HIVEP3: variants seen among roughly 807,000 people sequenced by gnomAD.
HIVEP3 encodes HIVEP zinc finger 3, also known as transcription factor HIVEP3.
A neutral mutation model predicts 152.8 loss-of-function variants in HIVEP3; 49 were observed. The ratio of observed to expected loss-of-function variants is 0.32; its 90% CI spans 0.26 to 0.41. HIVEP3 has a LOEUF of 0.41. HIVEP3 is among the 10% of genes least tolerant of loss of function. The pLI, the probability that HIVEP3 is intolerant of heterozygous loss-of-function variation, is 1.00. For synonymous variants in HIVEP3, 1,269 were observed against 1,289.0 expected (o/e 0.98, Z 0.33); for missense variants, 2,790 against 3,103.3 (o/e 0.90, Z 2.40).
chr1:41,546,560 G>A (rs1305399615), intron 5 of HIVEP3, among the ~76,000 whole-genome samples: 1 of 152,236 alleles, frequency 6.6e-6, no homozygotes, highest in African/African-American at 2.4e-5. Context: ...GTGAGGCCTT[G>A]TAGAGTCAGC....
intron 1 of HIVEP3, among the ~76,000 whole-genome samples, chr1:41,835,263 C>G (rs1016074045): frequency 6.6e-5 from 10 of 152,132 alleles, no homozygotes; most frequent in Non-Finnish European, 1.2e-4. Context: ...TTTTTCACAG[C>G]TCTGGAGGCT....
chr1:41,913,892 T>A (rs1644832919), intron 1 of HIVEP3, among the ~76,000 whole-genome samples: 1 of 152,226 alleles, frequency 6.6e-6, no homozygotes, highest in Non-Finnish European at 1.5e-5. Context: ...ACATAACACA[T>A]GTTTAAAAAG....
chr1:41,913,381 TG>T (rs1395414590), intron 1 of HIVEP3, among the ~76,000 whole-genome samples: 8 of 152,200 alleles, frequency 5.3e-5, no homozygotes, highest in African/African-American at 1.9e-4. Flanking sequence ...AATCAATTCA[TG>T]TTTATCAGGG....
At chr1:41,868,331 A>C (rs1644018858) in intron 1 of HIVEP3, among the ~76,000 whole-genome samples, 2 of 152,102 alleles carry the variant, frequency 1.3e-5, no homozygotes, top group Non-Finnish European at 2.9e-5. Flanking sequence ...TATTTGGAGA[A>C]TGCATGGGGA....
chr1:41,832,450 G>A (rs1319229200), intron 1 of HIVEP3, among the ~76,000 whole-genome samples: 1 of 152,188 alleles, frequency 6.6e-6, no homozygotes. Flanking sequence ...AGGATCACTT[G>A]AGCCTAGAAC....
chr1:41,989,631 G>C (rs532039627), intron 1 of HIVEP3, among the ~76,000 whole-genome samples: 2 of 152,198 alleles, frequency 1.3e-5, no homozygotes, highest in South Asian at 4.2e-4. Context: ...TACCTTATCT[G>C]TGTAGGCAAA....
chr1:41,844,491 G>A (rs932258315), intron 1 of HIVEP3, among the ~76,000 whole-genome samples: 1 of 152,186 alleles, frequency 6.6e-6, no homozygotes, highest in Non-Finnish European at 1.5e-5. Flanking sequence ...GTCATCCGAT[G>A]CCGCTTCTTA....
At chr1:41,788,061 C>T (rs1262268704) in intron 1 of HIVEP3, among the ~76,000 whole-genome samples, 1 of 152,182 alleles carries the variant, frequency 6.6e-6, no homozygotes, top group Non-Finnish European at 1.5e-5. Context: ...TGACCCGGTG[C>T]CACCCTCTGT....
At chr1:41,785,573 C>CTTATTTAG (rs1272742302) in intron 1 of HIVEP3, among the ~76,000 whole-genome samples, 45 of 152,160 alleles carry the variant, frequency 3.0e-4, no homozygotes, top group African/African-American at 8.9e-4. Flanking sequence ...ACTAAAATGT[C>CTTATTTAG]TGGCTTTGAA....
chr1:41,706,444 G>A (rs879366183), intron 1 of HIVEP3, among the ~76,000 whole-genome samples: 2 of 152,084 alleles, frequency 1.3e-5, no homozygotes, highest in East Asian at 1.9e-4. Context: ...ACCACACCTC[G>A]CTAATTTTTG....
intron 1 of HIVEP3, among the ~76,000 whole-genome samples, chr1:41,748,723 T>C (rs7543679): frequency 0.83 from 125,865 of 152,240 alleles, 55,281 homozygotes; most frequent in Non-Finnish European, 0.98. Flanking sequence ...TGCTGAATTG[T>C]TGGGGTCTGA....
In HIVEP3 at chr1:41,825,661, G is replaced by A. The variant is rs187073546; in HGVS notation, c.-801+92752C>T. On this transcript the variant is annotated intron_variant, in intron 1 of 8. Transcript: ENST00000372583. ...CACTCTGTCACCCAGGTTGGAGTGC[G>A]GTAGTGTGATCACAGCTCACTGTAG... Among the ~76,000 whole-genome samples, 767 of 151,918 alleles carry A rather than the reference G, an allele frequency of 5.0e-3. 2 individuals are homozygous for A. The highest frequency in any genetic ancestry group is 8.4e-3 in the Non-Finnish European group (569 of 67,912).
intron 1 of HIVEP3, among the ~76,000 whole-genome samples, chr1:41,944,647 CTT>C (rs1482287979): frequency 1.3e-5 from 2 of 152,262 alleles, no homozygotes; most frequent in South Asian, 4.1e-4. Flanking sequence ...GGATCCCTTT[CTT>C]TGTGGTCAAG....
At chr1:41,761,320 A>G (rs1647665219) in intron 1 of HIVEP3, among the ~76,000 whole-genome samples, 1 of 151,946 alleles carries the variant, frequency 6.6e-6, no homozygotes, top group Non-Finnish European at 1.5e-5. Flanking sequence ...ATGGTTGTGT[A>G]TGTGTATGCA....
chr1:41,765,771 T>A (rs990407139), intron 1 of HIVEP3, among the ~76,000 whole-genome samples: 8 of 152,116 alleles, frequency 5.3e-5, no homozygotes, highest in Admixed American at 4.6e-4. Flanking sequence ...ACCCCCTCCA[T>A]CTTTCCTATC....
intron 1 of HIVEP3, among the ~76,000 whole-genome samples, chr1:41,759,581 T>G (rs376603642): frequency 6.6e-6 from 1 of 152,228 alleles, no homozygotes; most frequent in Non-Finnish European, 1.5e-5. Flanking sequence ...CTGGGTCATA[T>G]GGTAACTCTA....
chr1:41,728,057 C>T (rs759551047), intron 1 of HIVEP3, among the ~76,000 whole-genome samples: 7 of 152,264 alleles, frequency 4.6e-5, no homozygotes, highest in South Asian at 2.1e-4. Flanking sequence ...AATGCATCAA[C>T]GCTTGCTGGT....
intron 5 of HIVEP3, among the ~76,000 whole-genome samples, chr1:41,562,603 C>CTT (rs56783736): frequency 0.14 from 11,442 of 84,296 alleles, 406 homozygotes; most frequent in East Asian, 0.27. Flanking sequence ...TCCTTTCTTT[C>CTT]TCTCTCTCTC....
rs76769000 is a variant in HIVEP3, at chr1:42,026,163, C to G, written n.119+9644G>C. 5.4e-3 allele frequency among the ~76,000 whole-genome samples: 827 copies of G among 152,184 alleles called. 9 individuals are homozygous for G. In the East Asian group the frequency reaches 0.063, roughly 12 times the overall value. ...CTTACCCTGCTCAGTACCAGGGCAA[C>G]CTCCCTGCTGTCCCAGAAGGGTAGA... On this transcript the variant is annotated intron_variant and non_coding_transcript_variant, in intron 1 of 3. Coordinates refer to the HIVEP3 transcript ENST00000489103.
Sources: allele counts gnomAD v4.1 joint callset (sites outside exome capture counted in the v4.1 genomes callset), GRCh38; gene constraint gnomAD v4.1.1; transcripts MANE v1.5; gene names NCBI Gene and HGNC (gene_info 2026-07-23, HGNC 2026-07-21).